Variants in RNASEH2B observed in about 807,000 individuals in gnomAD.
The protein encoded by RNASEH2B is Aicardi-Goutieres syndrome 2 protein.
A neutral mutation model predicts 45.0 loss-of-function variants in RNASEH2B; 36 were observed. The observed-to-expected ratio is 0.80, with a 90% CI of 0.61 to 1.06. The LOEUF (loss-of-function observed/expected upper bound fraction) is 1.06, where lower values mean the gene tolerates loss of function less well. RNASEH2B is among the 50% of genes least tolerant of loss of function. The pLI is 0.00. For synonymous variants in RNASEH2B, 119 were observed against 125.7 expected (o/e 0.95, Z 0.35); for missense variants, 361 against 360.3 (o/e 1.00, Z -0.02).
At chr13:50,960,084 A>C (rs1020791464), downstream of RNASEH2B, 2 of 657,726 alleles carry the variant, frequency 3.0e-6, no homozygotes, top group African/African-American at 3.8e-5. Context: ...TTCTAGACAT[A>C]TCTTTGTATG....
At chr13:50,967,379 A>G (rs531213498) in intron 9 of RNASEH2B, among the ~76,000 whole-genome samples, 1 of 152,378 alleles carries the variant, frequency 6.6e-6, no homozygotes, top group East Asian at 1.9e-4. Flanking sequence ...AGAAAGAAAT[A>G]CAAAGAACAC....
chr13:50,919,344 G>A lies in RNASEH2B; in HGVS notation c.65-8063G>A, dbSNP rs538735646. Among the ~76,000 whole-genome samples, 3 of 152,338 alleles carry A rather than the reference G, an allele frequency of 2.0e-5. No homozygotes were observed. The South Asian group carries it at 6.2e-4, about 32-fold the overall frequency. On this transcript the variant is annotated intron_variant, in intron 1 of 10. Transcript: ENST00000336617. Reference sequence around the variant, plus strand: ...AAAAATACGGAATGGTTAAGTCTGTGCATTAATACGTGCTGTGTAACCTAA... The same window carrying A: ...AAAAATACGGAATGGTTAAGTCTGTACATTAATACGTGCTGTGTAACCTAA...
intron 5 of RNASEH2B, chr13:50,942,605 G>C (rs1163405453): frequency 6.6e-6 from 1 of 152,148 alleles, no homozygotes; most frequent in African/African-American, 2.4e-5. Flanking sequence ...AAATTATTCA[G>C]AACAGTTAAG....
At chr13:50,932,994 C>G (rs1951700934) in intron 4 of RNASEH2B, among the ~76,000 whole-genome samples, 1 of 152,194 alleles carries the variant, frequency 6.6e-6, no homozygotes, top group South Asian at 2.1e-4. Flanking sequence ...GTCCCATTAT[C>G]TGGAAGCTAC....
intron 4 of RNASEH2B, 129 bp from the exon 5 acceptor site, chr13:50,934,756 C>T (rs1339249422): frequency 7.0e-6 from 5 of 718,428 alleles, no homozygotes; most frequent in Non-Finnish European, 1.2e-5. Flanking sequence ...GTAGGGATTC[C>T]TTAGATGGAA....
At chr13:50,967,160 A>G (rs943184578) in intron 9 of RNASEH2B, among the ~76,000 whole-genome samples, 1 of 152,116 alleles carries the variant, frequency 6.6e-6, no homozygotes, top group Non-Finnish European at 1.5e-5. Flanking sequence ...CCTGGGAGGA[A>G]AGTGCTTTTA....
rs1388013724 is a variant in RNASEH2B at position 50,929,501 on chromosome 13, A to G, written c.163A>G (p.Met55Val). Residue 55 changes from methionine (M) to valine (V), a missense_variant, in exon 3 of 11, where the codon ATG becomes GTG. Physicochemically the swap from Met to Val is conservative, Grantham distance 21. Transcript: ENST00000336617. ...SGEGAIYLFNMCLQQLFEVKV... is the reference protein window; with the variant it reads ...SGEGAIYLFNVCLQQLFEVKV... ...AGAAGGAGCCATTTACTTGTTCAAT[A>G]TGTGTCTACAGCAGCTGTTTGAAGT... 3.1e-6 allele frequency: 5 copies of G among 1,613,562 alleles called. No homozygotes were observed. The highest frequency in any genetic ancestry group is 4.2e-6 in the Non-Finnish European group (5 of 1,179,524).
chr13:50,947,814 A>G lies in RNASEH2B; in HGVS notation c.617-173A>G, dbSNP rs147468485. Among the ~76,000 whole-genome samples, 139 of 152,140 alleles carry G rather than the reference A, an allele frequency of 9.1e-4. 2 individuals carry two copies. The South Asian group carries it at 0.018, about 20-fold the overall frequency. Reference sequence around the variant, plus strand: ...TCCCTCATATCTTCCCACTAGTCTGACCGATAGATATTACTATCCCCATTT... The same window carrying G: ...TCCCTCATATCTTCCCACTAGTCTGGCCGATAGATATTACTATCCCCATTT... On this transcript the variant is annotated intron_variant, in intron 7 of 10. Coordinates refer to ENST00000336617, the MANE Select transcript of RNASEH2B (RefSeq NM_024570.4).
downstream of RNASEH2B, among the ~76,000 whole-genome samples, chr13:50,958,797 T>G (rs1415264797): frequency 6.6e-6 from 1 of 152,198 alleles, no homozygotes; most frequent in Non-Finnish European, 1.5e-5. Context: ...TTCACAAATG[T>G]TCACTATTTG....
At chr13:50,948,620 AAG>A (rs1453376241) in intron 8 of RNASEH2B, 1 of 152,390 alleles carries the variant, frequency 6.6e-6, no homozygotes, top group Non-Finnish European at 1.5e-5. Flanking sequence ...TTTAGACTTT[AAG>A]TTGAAAAAGA....
chr13:50,956,634 A>G lies in RNASEH2B; in HGVS notation c.*160A>G, dbSNP rs1952055379. 1.4e-6 allele frequency: 2 copies of G among 1,432,780 alleles called. No individual in the cohort carries two copies. The highest frequency in any genetic ancestry group is 1.8e-6 in the Non-Finnish European group (2 of 1,088,540). 88.8% of individuals were successfully genotyped at this position (1,432,780 alleles called of 1,614,324 possible). Reference sequence around the variant, plus strand: ...TTTGGTTTTTGTGTTCCTGAACAAAATATGGGAAAGTGTCTAACTTCATGG... The same window carrying G: ...TTTGGTTTTTGTGTTCCTGAACAAAGTATGGGAAAGTGTCTAACTTCATGG... On this transcript the variant is annotated 3_prime_UTR_variant, in exon 11 of 11. Transcript: ENST00000336617.
intron 1 of RNASEH2B, among the ~76,000 whole-genome samples, chr13:50,922,977 C>A (rs546888153): frequency 1.3e-5 from 2 of 152,160 alleles, no homozygotes; most frequent in African/African-American, 4.8e-5. Context: ...TAGAGAATAT[C>A]AATAGAGAAA....
intron 7 of RNASEH2B, among the ~76,000 whole-genome samples, chr13:50,947,667 A>G (rs1338911894): frequency 6.6e-6 from 1 of 152,072 alleles, no homozygotes; most frequent in Admixed American, 6.6e-5. Flanking sequence ...CTTTATTTGT[A>G]TTCAGTGGTT....
At chr13:50,947,202 A>G (rs955285172) in intron 7 of RNASEH2B, among the ~76,000 whole-genome samples, 10 of 152,150 alleles carry the variant, frequency 6.6e-5, no homozygotes, top group Admixed American at 5.9e-4. Context: ...ATCTGCTTGT[A>G]TTCTACATAA....
chr13:50,915,318 C>T (rs778745085), intron 1 of RNASEH2B: 21 of 397,754 alleles, frequency 5.3e-5, no homozygotes, highest in Non-Finnish European at 8.4e-5. Flanking sequence ...CCATTTGCTC[C>T]AGCTCAGCTT....
At chr13:50,953,742 T>C (rs192195762) in intron 9 of RNASEH2B, 163 bp from the exon 10 acceptor site, 79 of 627,880 alleles carry the variant, frequency 1.3e-4, no homozygotes, top group African/African-American at 1.1e-3. Flanking sequence ...CCCTAGATGA[T>C]TGGCAAAATG....
At chr13:50,933,680 A>G (rs1951711240) in intron 4 of RNASEH2B, among the ~76,000 whole-genome samples, 1 of 152,222 alleles carries the variant, frequency 6.6e-6, no homozygotes, top group Non-Finnish European at 1.5e-5. Flanking sequence ...GGTAAATAAA[A>G]ATAAGAATGA....
intron 1 of RNASEH2B, chr13:50,927,146 A>G (rs1194028885): frequency 2.5e-6 from 1 of 402,464 alleles, no homozygotes; most frequent in African/African-American, 2.1e-5. Flanking sequence ...TGGCTAAGCC[A>G]AGATTATCAC....
At position 50,948,026 on chromosome 13, in the gene RNASEH2B, A is replaced by G; in HGVS notation, c.656A>G (p.Tyr219Cys). ...TATGCCCATGGTCTGATATCTGACT[A>G]CATCCCTAAAGAATTAAGTGATGAC... ...IRYAHGLISDYIPKELSDDLS... is the reference protein window; with the variant it reads ...IRYAHGLISDCIPKELSDDLS... The change falls in exon 8 of 11, where the codon TAC becomes TGC. Residue 219 changes from tyrosine (Y) to cysteine (C), a missense_variant. Physicochemically the swap from Tyr to Cys is radical, Grantham distance 194. Coordinates refer to ENST00000336617, the MANE Select transcript of RNASEH2B (RefSeq NM_024570.4). 2 of 1,611,394 alleles carry G rather than the reference A, an allele frequency of 1.2e-6. No homozygotes were observed. The highest frequency in any genetic ancestry group is 2.2e-5 in the East Asian group (1 of 44,774).
Sources: allele counts gnomAD v4.1 joint callset (sites outside exome capture counted in the v4.1 genomes callset), GRCh38; gene constraint gnomAD v4.1.1; transcripts MANE v1.5; gene names NCBI Gene and HGNC (gene_info 2026-07-23, HGNC 2026-07-21).